Variants in RTEL1 observed in about 807,000 individuals in gnomAD.
RTEL1 encodes the protein regulator of telomere length.
A neutral mutation model predicts 162.2 loss-of-function variants in RTEL1; 86 were observed. The observed-to-expected ratio is 0.53, with a 90% CI of 0.45 to 0.63. The LOEUF is 0.63. RTEL1 is among the 30% of genes least tolerant of loss of function. The pLI is 0.00. For missense variants in RTEL1, 1,941 were observed against 1,750.2 expected (o/e 1.11, Z -1.95); for synonymous variants, 958 against 717.9 (o/e 1.33, Z -5.35).
Position 63,693,175 on chromosome 20 carries a change from C to T in RTEL1, c.2884C>T (p.Gln962Ter). Reference sequence around the variant, plus strand: ...CCAGTTTGTGCGGCCCCACCATAAGCAGCAGTTTGAGGAGGTCTGTATCCA... The same window carrying T: ...CCAGTTTGTGCGGCCCCACCATAAGTAGCAGTTTGAGGAGGTCTGTATCCA... ...FYQFVRPHHK[Q>*]QFEEVCIQLT... Residue 962 changes from glutamine to a stop codon, truncating the protein, a stop_gained, in exon 30 of 35, where the codon CAG becomes TAG. Coordinates refer to ENST00000360203, the MANE Select transcript of RTEL1 (RefSeq NM_001283009.2). LOFTEE classifies it high-confidence loss of function. The T allele has an allele frequency of 6.2e-7, 1 of 1,612,206 alleles. No individual in the cohort carries two copies. Among genetic ancestry groups the T allele is most frequent in the Non-Finnish European group, 8.5e-7 (1 of 1,179,562 alleles).
At chr20:63,695,261 C>G in intron 33 of RTEL1, 40 bp downstream of exon 33, 1 of 1,606,586 alleles carries the variant, frequency 6.2e-7, no homozygotes, top group East Asian at 2.2e-5. Flanking sequence ...GCGCCCCAAC[C>G]GCACGCAGCC....
chr20:63,661,403 C>A lies in RTEL1; in HGVS notation c.208C>A (p.Arg70Ser), dbSNP rs778775766. The A allele has an allele frequency of 6.2e-7, 1 of 1,613,832 alleles. No homozygotes were observed. The highest frequency in any genetic ancestry group is 1.1e-5 in the South Asian group (1 of 91,082). Residue 70 changes from arginine (R) to serine (S), a missense_variant, in exon 3 of 35, where the codon CGC becomes AGC. Physicochemically the swap from Arg to Ser is moderately radical, Grantham distance 110 (BLOSUM62 -1). Coordinates refer to ENST00000360203, the MANE Select transcript of RTEL1 (RefSeq NM_001283009.2). This position sits in a 1 kb window ranked among gnomAD's most constrained non-coding sequence, Gnocchi z 5.1. ...REHLRDGISA[R>S]KIAERAQGEL... Reference sequence around the variant, plus strand: ...ACACCTCCGAGACGGCATCTCTGCCCGCAAGATTGCCGAGAGGGCGCAAGG... The same window carrying A: ...ACACCTCCGAGACGGCATCTCTGCCAGCAAGATTGCCGAGAGGGCGCAAGG...
intron 30 of RTEL1, among the ~76,000 whole-genome samples, chr20:63,693,852 C>T (rs1228604153): frequency 1.4e-5 from 2 of 147,800 alleles, no homozygotes; most frequent in Admixed American, 6.8e-5. Context: ...CTAAGCACAG[C>T]CCTGTCCAAC....
chr20:63,676,915 C>A (rs1469993138), intron 10 of RTEL1, among the ~76,000 whole-genome samples: 3 of 140,424 alleles, frequency 2.1e-5, no homozygotes, highest in South Asian at 2.3e-4. Context: ...AGCCTGGCGA[C>A]AGAGCGAGAC....
chr20:63,658,669 G>C (rs530480995), intron 1 of RTEL1: 4 of 152,516 alleles, frequency 2.6e-5, no homozygotes, highest in African/African-American at 9.6e-5. Flanking sequence ...CCCTTGACCG[G>C]GGCTGGAGGG....
intron 12 of RTEL1, 118 bp from the exon 13 acceptor site, chr20:63,679,731 T>C: frequency 1.3e-6 from 1 of 778,882 alleles, no homozygotes; most frequent in Non-Finnish European, 2.2e-6. Flanking sequence ...TCTCGGCAGC[T>C]ACATCTTTGA....
At position 63,690,072 on chromosome 20, in the gene RTEL1, A is replaced by G. The variant is rs762029946; in HGVS notation, c.2142-15A>G. 24 of 1,608,792 alleles carry G rather than the reference A, an allele frequency of 1.5e-5. No individual in the cohort carries two copies. Among genetic ancestry groups the G allele is most frequent in the South Asian group, 5.5e-5 (5 of 91,014 alleles). ...CGGCTGTGGGCAGGGCAGCAGGGCT[A>G]TGGCCACCCCCCAGGTTCGCCTTTG... On this transcript the variant is annotated splice_polypyrimidine_tract_variant and intron_variant, in intron 24 of 34. Transcript: ENST00000360203.
chr20:63,678,791 G>A (rs1203351076), intron 12 of RTEL1, among the ~76,000 whole-genome samples: 1 of 128,434 alleles, frequency 7.8e-6, no homozygotes, highest in African/African-American at 3.1e-5. Flanking sequence ...ACTCTCCCAC[G>A]GAACAGCACA....
At chr20:63,693,432 A>ACCACCACCACCACCT (rs2090822532) in intron 30 of RTEL1, 149 bp downstream of exon 30, 1 of 841,954 alleles carries the variant, frequency 1.2e-6, no homozygotes, top group Non-Finnish European at 1.8e-6. Context: ...CTCCACCTCC[A>ACCACCACCACCACCT]CCACCAGCAC....
intron 14 of RTEL1, chr20:63,680,921 G>A: frequency 1.0e-6 from 1 of 985,400 alleles, no homozygotes; most frequent in Non-Finnish European, 1.2e-6. Flanking sequence ...GGAGGACGAG[G>A]TCTGGTGGCA....
chr20:63,688,998 G>A (rs1422704029), intron 21 of RTEL1, 57 bp from the exon 22 acceptor site: 4 of 1,470,718 alleles, frequency 2.7e-6, no homozygotes, highest in Non-Finnish European at 3.8e-6. Context: ...CTCCCTCATG[G>A]GGGAGGAAGG....
chr20:63,689,171 T>C (rs1380546313), intron 22 of RTEL1, 39 bp downstream of exon 22: 1 of 1,579,204 alleles, frequency 6.3e-7, no homozygotes, highest in Non-Finnish European at 8.6e-7. Context: ...CCTGGTTGCC[T>C]GTTCCCTGGT....
At chr20:63,674,798 G>A (rs2090316068) in intron 10 of RTEL1, among the ~76,000 whole-genome samples, 1 of 152,108 alleles carries the variant, frequency 6.6e-6, no homozygotes, top group Non-Finnish European at 1.5e-5. Flanking sequence ...CTGCCTGTAG[G>A]TTCCTTCCCA....
At chr20:63,671,222 G>A (rs956538411) in intron 8 of RTEL1, among the ~76,000 whole-genome samples, 13 of 151,766 alleles carry the variant, frequency 8.6e-5, no homozygotes, top group South Asian at 4.2e-4. Context: ...CACCACACCC[G>A]GCTAATTTTT....
chr20:63,683,703 C>T (rs2090526053), intron 14 of RTEL1, among the ~76,000 whole-genome samples: 1 of 152,192 alleles, frequency 6.6e-6, no homozygotes, highest in Non-Finnish European at 1.5e-5. Flanking sequence ...GCTTGGCTGA[C>T]ATGGCCACAT....
chr20:63,683,129 A>C (rs1388714502), intron 14 of RTEL1, among the ~76,000 whole-genome samples: 1 of 152,102 alleles, frequency 6.6e-6, no homozygotes, highest in Non-Finnish European at 1.5e-5. Flanking sequence ...GCACTCAGCT[A>C]ATTTTTAAAA....
intron 27 of RTEL1, 133 bp downstream of exon 27, chr20:63,691,080 G>A (rs766215405): frequency 2.1e-5 from 21 of 1,011,690 alleles, no homozygotes; most frequent in African/African-American, 6.6e-5. Context: ...GCGGGCAAGC[G>A]GGCGGGGGAT....
chr20:63,681,530 T>G (rs1297302041), intron 14 of RTEL1: 1 of 982,814 alleles, frequency 1.0e-6, no homozygotes, highest in African/African-American at 1.8e-5. Flanking sequence ...GCTTCATGAG[T>G]GTCCATCTGG....
chr20:63,692,130 C>G, intron 28 of RTEL1: 1 of 375,984 alleles, frequency 2.7e-6, no homozygotes, highest in Non-Finnish European at 5.0e-6. Flanking sequence ...GCACACCTGC[C>G]TCATGTGAGG....
Sources: gnomAD v4.1 joint callset for allele counts (sites outside exome capture counted in the v4.1 genomes callset) on GRCh38, gnomAD v4.1.1 for gene constraint, Gnocchi (gnomAD v3.1) non-coding constraint, MANE v1.5 for transcripts, NCBI Gene and HGNC (gene_info 2026-07-23, HGNC 2026-07-21) for gene names.